Variants in OR1J2 observed in about 807,000 individuals in gnomAD.
OR1J2 encodes olfactory receptor 1J2.
For missense variants in OR1J2, 304 were observed against 246.1 expected, an observed-to-expected ratio of 1.24 and a Z score of -1.57; for synonymous variants, 142 against 99.7, an observed-to-expected ratio of 1.42 and a Z score of -2.52.
At chr9:122,504,212 C>G in the OR1J2 span, among the ~76,000 whole-genome samples, 1,399 of 152,324 alleles carry the variant, frequency 9.2e-3, 8 homozygotes, top group African/African-American at 0.032. Flanking sequence ...GTTAGGCACT[C>G]TGCTCTGCTA....
chr9:122,490,471 T>G, the OR1J2 span, among the ~76,000 whole-genome samples: 7 of 152,326 alleles, frequency 4.6e-5, 1 homozygote, highest in Admixed American at 2.0e-4. Flanking sequence ...AAAGGTATTT[T>G]GTGTGTGTCT....
At chr9:122,570,400 A>G in the OR1J2 span, among the ~76,000 whole-genome samples, 1,052 of 152,332 alleles carry the variant, frequency 6.9e-3, 11 homozygotes, top group African/African-American at 0.025. Flanking sequence ...GCCTTAATAC[A>G]CCAGAATTTT....
At chr9:122,567,950 G>A in the OR1J2 span, 2 of 1,614,188 alleles carry the variant, frequency 1.2e-6, no homozygotes, top group Non-Finnish European at 1.7e-6. Context: ...AGAGAAAGTG[G>A]TGGATAACAT....
At chr9:122,572,081 G>C in the OR1J2 span, among the ~76,000 whole-genome samples, 2 of 152,234 alleles carry the variant, frequency 1.3e-5, no homozygotes, top group Admixed American at 6.5e-5. Flanking sequence ...GAACAGAGGT[G>C]GGGGGAGGCG....
chr9:122,508,071 G>A (rs907331702), upstream of OR1J2, among the ~76,000 whole-genome samples: 4 of 150,912 alleles, frequency 2.7e-5, no homozygotes, highest in Admixed American at 6.6e-5. Flanking sequence ...GTCTCACATT[G>A]CCTTCAAAGT....
At chr9:122,450,231 G>A in the OR1J2 span, among the ~76,000 whole-genome samples, 1 of 152,120 alleles carries the variant, frequency 6.6e-6, no homozygotes, top group East Asian at 1.9e-4. Flanking sequence ...AGGAGTTTGA[G>A]ACCAGCCTAG....
chr9:122,477,465 C>T, the OR1J2 span: 32 of 1,613,890 alleles, frequency 2.0e-5, no homozygotes, highest in African/African-American at 1.6e-4. Flanking sequence ...AAAGAGCACA[C>T]GCACAAGCGA....
At chr9:122,459,650 C>A in the OR1J2 span, among the ~76,000 whole-genome samples, 1 of 152,174 alleles carries the variant, frequency 6.6e-6, no homozygotes, top group Non-Finnish European at 1.5e-5. Flanking sequence ...TGAATGAACT[C>A]AATGTAGTTG....
At chr9:122,562,586 C>G in the OR1J2 span, among the ~76,000 whole-genome samples, 1 of 152,148 alleles carries the variant, frequency 6.6e-6, no homozygotes, top group Non-Finnish European at 1.5e-5. Flanking sequence ...CTGTGTGGCT[C>G]TCAGGTGGGC....
the OR1J2 span, among the ~76,000 whole-genome samples, chr9:122,548,328 T>C: frequency 6.6e-6 from 1 of 152,138 alleles, no homozygotes; most frequent in South Asian, 2.1e-4. Flanking sequence ...TTTATATACA[T>C]TTCCCTTAAT....
the OR1J2 span, among the ~76,000 whole-genome samples, chr9:122,459,713 A>C: frequency 9.9e-5 from 15 of 152,194 alleles, no homozygotes; most frequent in South Asian, 2.9e-3. Context: ...AAATTTCAAT[A>C]AGTTTTTGGG....
At chr9:122,511,834 C>A, downstream of OR1J2, 1 of 705,942 alleles carries the variant, frequency 1.4e-6, no homozygotes, top group East Asian at 2.6e-5. Context: ...ATGTTATGTC[C>A]TGAAGCCCTA....
chr9:122,544,659 T>A, the OR1J2 span, among the ~76,000 whole-genome samples: 2 of 152,084 alleles, frequency 1.3e-5, no homozygotes, highest in Non-Finnish European at 2.9e-5. Context: ...ACCTCAGGGA[T>A]CTGCCCTCCT....
chr9:122,529,385 G>A, the OR1J2 span, among the ~76,000 whole-genome samples: 12 of 152,232 alleles, frequency 7.9e-5, no homozygotes, highest in Non-Finnish European at 1.6e-4. Context: ...CAAAGGGACA[G>A]TAAGTTATTT....
the OR1J2 span, chr9:122,567,156 A>T: frequency 6.4e-6 from 1 of 157,062 alleles, no homozygotes; most frequent in East Asian, 1.9e-4. Context: ...ATTTTTTTGC[A>T]AAAACATTCA....
the OR1J2 span, chr9:122,576,663 G>A: frequency 1.3e-5 from 2 of 152,208 alleles, no homozygotes; most frequent in African/African-American, 2.4e-5. Context: ...TCACAACAGT[G>A]TGTGGGCCTT....
At chr9:122,577,494 G>A in the OR1J2 span, among the ~76,000 whole-genome samples, 1 of 152,108 alleles carries the variant, frequency 6.6e-6, no homozygotes, top group Non-Finnish European at 1.5e-5. Flanking sequence ...CAATGAACAT[G>A]AACAGGCAAT....
chr9:122,517,140 C>A, the OR1J2 span, among the ~76,000 whole-genome samples: 1 of 152,158 alleles, frequency 6.6e-6, no homozygotes, highest in African/African-American at 2.4e-5. Flanking sequence ...GAAGCTCAGG[C>A]CAACTGGATC....
the OR1J2 span, among the ~76,000 whole-genome samples, chr9:122,570,642 C>T: frequency 6.6e-6 from 1 of 152,296 alleles, no homozygotes; most frequent in East Asian, 1.9e-4. Flanking sequence ...CCAGCCACCT[C>T]AGCGTCATCG....
Sources: allele counts gnomAD v4.1 joint callset (sites outside exome capture counted in the v4.1 genomes callset), GRCh38; gene constraint gnomAD v4.1.1; transcripts MANE v1.5; gene names NCBI Gene and HGNC (gene_info 2026-07-23, HGNC 2026-07-21).